The following FBXL17 variants were observed in gnomAD, a reference collection of about 807,000 sequenced individuals.
FBXL17 encodes the protein F-box and leucine rich repeat protein 17, also known as F-box/LRR-repeat protein 17.
A neutral mutation model predicts 66.2 loss-of-function variants in FBXL17; 22 were observed. That is an observed-to-expected ratio of 0.33 (90% confidence interval 0.24 to 0.47). The LOEUF (loss-of-function observed/expected upper bound fraction) is 0.47, where lower values mean the gene tolerates loss of function less well. FBXL17 is among the 20% of genes least tolerant of loss of function. The probability of loss-of-function intolerance (pLI) is 1.00; values close to 1 mark genes in which losing one functional copy is unlikely to be tolerated. For synonymous variants in FBXL17, 474 were observed against 400.5 expected (o/e 1.18, Z -2.19); for missense variants, 878 against 948.2 (o/e 0.93, Z 0.97).
intron 6 of FBXL17, among the ~76,000 whole-genome samples, chr5:108,179,641 C>A (rs569231398): frequency 1.3e-5 from 2 of 152,186 alleles, no homozygotes; most frequent in Non-Finnish European, 1.5e-5. Flanking sequence ...TCCTTTACAG[C>A]ACTCTGTTTG....
intron 7 of FBXL17, among the ~76,000 whole-genome samples, chr5:107,927,482 G>A (rs940038872): frequency 6.6e-6 from 1 of 151,992 alleles, no homozygotes; most frequent in Non-Finnish European, 1.5e-5. Flanking sequence ...TCAATAGCTA[G>A]GAACAATCAC....
intron 7 of FBXL17, among the ~76,000 whole-genome samples, chr5:107,938,682 A>G (rs1187403629): frequency 1.3e-5 from 2 of 152,126 alleles, no homozygotes; most frequent in Non-Finnish European, 2.9e-5. Flanking sequence ...GTGGTGATAT[A>G]TTAGTATACT....
At chr5:107,942,777 GA>G (rs35874392) in intron 7 of FBXL17, among the ~76,000 whole-genome samples, 82,442 of 146,262 alleles carry the variant, frequency 0.56, 22,976 homozygotes, top group South Asian at 0.66. Context: ...TTCTTGAAAA[GA>G]AAAAAAAAAA....
At chr5:108,331,771 T>A (rs1051119635) in intron 4 of FBXL17, among the ~76,000 whole-genome samples, 1 of 152,084 alleles carries the variant, frequency 6.6e-6, no homozygotes, top group Non-Finnish European at 1.5e-5. Context: ...GAGTAACTCT[T>A]CTAACCCGTA....
chr5:108,366,738 G>T (rs563530597), intron 2 of FBXL17, among the ~76,000 whole-genome samples: 1 of 152,084 alleles, frequency 6.6e-6, no homozygotes, highest in East Asian at 1.9e-4. Flanking sequence ...GGATATAAAG[G>T]TCATGAACCC....
intron 6 of FBXL17, among the ~76,000 whole-genome samples, chr5:108,154,862 G>A (rs1366789429): frequency 6.6e-6 from 1 of 151,686 alleles, no homozygotes. Context: ...AATCCTTACA[G>A]ACTGCTCTGA....
chr5:107,890,234 T>C (rs1360291546), intron 7 of FBXL17, among the ~76,000 whole-genome samples: 2 of 152,160 alleles, frequency 1.3e-5, no homozygotes, highest in Non-Finnish European at 2.9e-5. Flanking sequence ...TTAAATATGT[T>C]AGTTTGCAGA....
chr5:107,921,859 C>G (rs561457902), intron 7 of FBXL17, among the ~76,000 whole-genome samples: 2 of 152,302 alleles, frequency 1.3e-5, no homozygotes, highest in East Asian at 3.9e-4. Flanking sequence ...CTATTCAGCA[C>G]TTGCTGAATA....
At chr5:107,948,655 G>C (rs1436598243) in intron 7 of FBXL17, among the ~76,000 whole-genome samples, 3 of 152,128 alleles carry the variant, frequency 2.0e-5, no homozygotes, top group Non-Finnish European at 2.9e-5. Context: ...AATGGCTTTT[G>C]AATTAAACCC....
At chr5:108,289,215 A>G (rs1758016137) in intron 4 of FBXL17, among the ~76,000 whole-genome samples, 1 of 152,156 alleles carries the variant, frequency 6.6e-6, no homozygotes, top group African/African-American at 2.4e-5. Context: ...GGTTCATAGT[A>G]CATGCTTGAT....
At chr5:107,988,424 A>C (rs1580291827) in intron 7 of FBXL17, among the ~76,000 whole-genome samples, 1 of 152,122 alleles carries the variant, frequency 6.6e-6, no homozygotes, top group Non-Finnish European at 1.5e-5. Flanking sequence ...TCATAAGCAA[A>C]ATCAACACCT....
chr5:108,092,146 G>T (rs1749210094), intron 6 of FBXL17, among the ~76,000 whole-genome samples: 1 of 152,182 alleles, frequency 6.6e-6, no homozygotes, highest in Non-Finnish European at 1.5e-5. Context: ...TGTAATTAAA[G>T]ATCAGAGAAG....
Position 108,169,574 on chromosome 5 carries a change from A to C in FBXL17, c.1745+16543T>G, listed in dbSNP as rs571765742. ...ATCCCCCTGTATTTAGTTTTTTTAA[A>C]TCTAGTAAGGTTAACACGTTGTCAG... is the stretch of plus-strand genomic sequence containing the variant. On this transcript the variant is annotated intron_variant, in intron 6 of 8. Transcript: ENST00000542267. Among the ~76,000 whole-genome samples, 6 of 152,284 alleles carry C rather than the reference A, an allele frequency of 3.9e-5. No homozygotes were observed. In the East Asian group the frequency reaches 7.7e-4, roughly 20 times the overall value.
intron 5 of FBXL17, among the ~76,000 whole-genome samples, chr5:108,207,229 G>A (rs1754159109): frequency 6.6e-6 from 1 of 152,114 alleles, no homozygotes; most frequent in Admixed American, 6.5e-5. Context: ...AGGGAAAAGG[G>A]ACTCTCTCCT....
At chr5:108,211,552 C>A (rs1297608660) in intron 5 of FBXL17, among the ~76,000 whole-genome samples, 2 of 152,172 alleles carry the variant, frequency 1.3e-5, no homozygotes, top group Admixed American at 1.3e-4. Context: ...ATTTGCTTGT[C>A]TGTAAAGGAC....
chr5:107,942,388 T>C (rs963569659), intron 7 of FBXL17, among the ~76,000 whole-genome samples: 1 of 152,216 alleles, frequency 6.6e-6, no homozygotes, highest in East Asian at 1.9e-4. Flanking sequence ...TAACCTCTGC[T>C]GCAATTAAAT....
intron 6 of FBXL17, among the ~76,000 whole-genome samples, chr5:108,050,976 A>G (rs576287881): frequency 3.3e-5 from 5 of 152,336 alleles, no homozygotes; most frequent in African/African-American, 9.6e-5. Context: ...CAAATAAACT[A>G]GAAAATCTAG....
intron 7 of FBXL17, among the ~76,000 whole-genome samples, chr5:107,909,082 AC>A (rs1749861496): frequency 6.6e-6 from 1 of 152,166 alleles, no homozygotes; most frequent in Admixed American, 6.5e-5. Context: ...GTTTAGAGCA[AC>A]CTATATTGAG....
intron 7 of FBXL17, among the ~76,000 whole-genome samples, chr5:107,938,715 C>T (rs7719708): frequency 0.89 from 134,934 of 152,124 alleles, 60,264 homozygotes; most frequent in African/African-American, 0.95. Context: ...TCCAACCCGA[C>T]ATTCTCCATA....
Sources: allele counts gnomAD v4.1 joint callset (sites outside exome capture counted in the v4.1 genomes callset), GRCh38; gene constraint gnomAD v4.1.1; transcripts MANE v1.5; gene names NCBI Gene and HGNC (gene_info 2026-07-23, HGNC 2026-07-21).